Variants in GNA12 observed in about 807,000 individuals in gnomAD.
The protein encoded by GNA12 is G protein subunit alpha 12.
A neutral mutation model predicts 26.0 loss-of-function variants in GNA12; 9 were observed. That is an observed-to-expected ratio of 0.35 (90% CI 0.21 to 0.60). The LOEUF (loss-of-function observed/expected upper bound fraction) is 0.60. Among genes scored for constraint, GNA12 ranks in the 20% least tolerant of loss-of-function variants. The pLI, the probability that GNA12 is intolerant of heterozygous loss-of-function variation, is 0.78. For synonymous variants in GNA12, 264 were observed against 219.6 expected, an observed-to-expected ratio of 1.20 and a Z score of -1.79; for missense variants, 405 against 525.8, an observed-to-expected ratio of 0.77 and a Z score of 2.25.
intron 1 of GNA12, among the ~76,000 whole-genome samples, chr7:2,828,408 A>C (rs1249671624): frequency 6.6e-6 from 1 of 152,180 alleles, no homozygotes; most frequent in Non-Finnish European, 1.5e-5. Flanking sequence ...GGCTGGAGTG[A>C]AGTGGCACGA....
At chr7:2,800,670 A>G (rs1055310487) in intron 1 of GNA12, among the ~76,000 whole-genome samples, 4 of 152,222 alleles carry the variant, frequency 2.6e-5, no homozygotes, top group Admixed American at 1.3e-4. Flanking sequence ...GAAGGCAAAG[A>G]GATAGTAGGG....
intron 1 of GNA12, among the ~76,000 whole-genome samples, chr7:2,800,265 T>G (rs945839526): frequency 6.6e-6 from 1 of 152,236 alleles, no homozygotes; most frequent in African/African-American, 2.4e-5. Context: ...TTTAATAACA[T>G]TCTTGAGGTG....
intron 2 of GNA12, chr7:2,763,025 G>A (rs1791641960): frequency 2.4e-6 from 3 of 1,263,394 alleles, no homozygotes; most frequent in South Asian, 3.2e-5. Context: ...CCGGCCACTG[G>A]CCCAGGACTC....
intron 2 of GNA12, among the ~76,000 whole-genome samples, chr7:2,776,051 T>C (rs1194028859): frequency 1.3e-5 from 2 of 152,186 alleles, no homozygotes; most frequent in Non-Finnish European, 1.5e-5. Context: ...AATGGGTCTT[T>C]TGATTTTTTT....
intron 2 of GNA12, among the ~76,000 whole-genome samples, chr7:2,787,716 G>A: frequency 6.6e-6 from 1 of 152,368 alleles, no homozygotes; most frequent in South Asian, 2.1e-4. Flanking sequence ...CATCGGGAAG[G>A]GGGAGAGGCC....
At chr7:2,820,851 G>GC (rs1167819012) in intron 1 of GNA12, among the ~76,000 whole-genome samples, 1 of 152,208 alleles carries the variant, frequency 6.6e-6, no homozygotes, top group African/African-American at 2.4e-5. Context: ...CCATCCTCTT[G>GC]CCTCAGACTC....
At chr7:2,788,719 A>G (rs976360877) in intron 2 of GNA12, among the ~76,000 whole-genome samples, 3 of 152,200 alleles carry the variant, frequency 2.0e-5, no homozygotes, top group Non-Finnish European at 4.4e-5. Flanking sequence ...GAACAGTAGG[A>G]CATGAGGGTA....
In GNA12 at chr7:2,814,394, A is replaced by C. The variant is rs1417088418; in HGVS notation, c.310-19251T>G. The C allele has an allele frequency of 4.5e-6, 7 of 1,542,994 alleles. No individual in the cohort carries two copies. In the Admixed American group the frequency reaches 1.2e-4, roughly 26 times the overall value. On this transcript the variant is annotated intron_variant, in intron 1 of 3. Transcript: ENST00000275364. ...ATCTGGTGTGCTTCCCGAACCCTGC[A>C]AGTCAACATTTAAGAATTCCTATAA... is the stretch of plus-strand genomic sequence containing the variant.
rs116915646 is a variant in GNA12 at position 2,741,308 on chromosome 7, T to C, written c.526-7807A>G. Among the ~76,000 whole-genome samples the C allele has an allele frequency of 1.5e-3, 222 of 152,142 alleles. 2 individuals carry two copies. The East Asian group carries it at 0.028, about 19-fold the overall frequency. Reference sequence around the variant, plus strand: ...AGGTTGAGGATGCAGTGAGCCATGATTGCGCCACTGCACTCAGGCCTGGGC... The same window carrying C: ...AGGTTGAGGATGCAGTGAGCCATGACTGCGCCACTGCACTCAGGCCTGGGC... On this transcript the variant is annotated intron_variant, in intron 2 of 3. Coordinates refer to ENST00000275364, the MANE Select transcript of GNA12 (RefSeq NM_007353.3).
At chr7:2,746,719 T>C (rs548802779) in intron 2 of GNA12, among the ~76,000 whole-genome samples, 29 of 152,104 alleles carry the variant, frequency 1.9e-4, no homozygotes, top group Non-Finnish European at 3.2e-4. Context: ...AAAAAATTAA[T>C]GAATCCAGGA....
intron 1 of GNA12, among the ~76,000 whole-genome samples, chr7:2,841,501 G>A (rs561402657): frequency 1.3e-5 from 2 of 149,458 alleles, no homozygotes; most frequent in Admixed American, 1.3e-4. Context: ...GAACACAGAC[G>A]CTCCCAGTGA....
intron 1 of GNA12, among the ~76,000 whole-genome samples, chr7:2,835,105 A>T (rs1778797449): frequency 1.3e-5 from 2 of 152,250 alleles, no homozygotes; most frequent in Admixed American, 6.5e-5. Context: ...TCAGACAGCT[A>T]ACATTTTATC....
intron 2 of GNA12, among the ~76,000 whole-genome samples, chr7:2,775,808 C>T (rs969629696): frequency 3.9e-5 from 6 of 152,230 alleles, no homozygotes; most frequent in African/African-American, 1.4e-4. Flanking sequence ...ACCTAAGGAG[C>T]CTCCCACAGA....
At chr7:2,733,200 CT>C (rs1235060869) in intron 3 of GNA12, among the ~76,000 whole-genome samples, 1 of 152,198 alleles carries the variant, frequency 6.6e-6, no homozygotes, top group African/African-American at 2.4e-5. Flanking sequence ...GGAAGTCCTC[CT>C]TTCACTCATG....
At chr7:2,795,559 T>A in intron 1 of GNA12, among the ~76,000 whole-genome samples, 1 of 144,370 alleles carries the variant, frequency 6.9e-6, no homozygotes, top group South Asian at 2.2e-4. Context: ...GCCCAGGAGG[T>A]CAAGGCTACG....
intron 1 of GNA12, among the ~76,000 whole-genome samples, chr7:2,824,629 T>C (rs1200022542): frequency 1.3e-5 from 2 of 152,216 alleles, no homozygotes; most frequent in Non-Finnish European, 2.9e-5. Context: ...TCCCGGGCAC[T>C]TGATATACAG....
intron 2 of GNA12, among the ~76,000 whole-genome samples, chr7:2,738,304 T>C (rs1367413198): frequency 2.0e-5 from 3 of 148,560 alleles, no homozygotes; most frequent in Non-Finnish European, 4.5e-5. Context: ...AAAAATTAGG[T>C]AACAGATTCA....
At chr7:2,793,815 G>C (rs1792580107) in intron 2 of GNA12, among the ~76,000 whole-genome samples, 1 of 150,014 alleles carries the variant, frequency 6.7e-6, no homozygotes, top group African/African-American at 2.5e-5. Context: ...TCCAGAGGTG[G>C]AGGTTGCAGT....
chr7:2,732,964 G>GT (rs1789975647), intron 3 of GNA12, among the ~76,000 whole-genome samples: 1 of 152,168 alleles, frequency 6.6e-6, no homozygotes, highest in Non-Finnish European at 1.5e-5. Context: ...AACTGACTAG[G>GT]TTGACATTAC....
Sources: gnomAD v4.1 joint callset for allele counts (sites outside exome capture counted in the v4.1 genomes callset) on GRCh38, gnomAD v4.1.1 for gene constraint, MANE v1.5 for transcripts, NCBI Gene and HGNC (gene_info 2026-07-23, HGNC 2026-07-21) for gene names.